BST1: variants seen among roughly 807,000 people sequenced by gnomAD.
The protein encoded by BST1 is ADP-ribosyl cyclase/cyclic ADP-ribose hydrolase 2.
In BST1, 49 loss-of-function variants were observed where a neutral mutation model predicts 40.6. The observed-to-expected ratio is 1.21, with a 90% CI of 0.96 to 1.53. The LOEUF is 1.53. Ranked by LOEUF, BST1 falls within the 40% of genes most tolerant of loss-of-function variation. BST1 has a pLI of 0.00. For missense variants in BST1, 423 were observed against 395.9 expected (o/e 1.07, Z -0.58); for synonymous variants, 157 against 159.3 (o/e 0.99, Z 0.11).
the BST1 span, among the ~76,000 whole-genome samples, chr4:15,753,877 G>T: frequency 2.0e-5 from 3 of 152,330 alleles, no homozygotes; most frequent in East Asian, 5.8e-4. Flanking sequence ...GAAGGAGAGA[G>T]TCCCATGGAG....
intron 3 of BST1, among the ~76,000 whole-genome samples, 188 bp downstream of exon 3, chr4:15,707,834 A>ACTCTCTCTCTCTCT (rs146353876): frequency 8.4e-5 from 9 of 107,024 alleles, no homozygotes; most frequent in African/African-American, 1.1e-4. Context: ...CAGTCTAAGC[A>ACTCTCTCTCTCTCT]CTCTCTCTCT....
the BST1 span, among the ~76,000 whole-genome samples, chr4:15,768,480 C>CTT: frequency 0.019 from 1,688 of 91,000 alleles, 3 homozygotes; most frequent in Non-Finnish European, 0.022. Flanking sequence ...TGGACAGTAT[C>CTT]TTTTTTTTTT....
At chr4:15,750,839 A>C in the BST1 span, among the ~76,000 whole-genome samples, 1 of 152,204 alleles carries the variant, frequency 6.6e-6, no homozygotes, top group African/African-American at 2.4e-5. Context: ...CTGCTTATAA[A>C]AATGTAAAAT....
chr4:15,731,938 T>C lies in BST1; in HGVS notation c.*93T>C. The C allele has an allele frequency of 1.4e-6, 2 of 1,419,058 alleles. No homozygotes were observed. The highest frequency in any genetic ancestry group is 1.9e-6 in the Non-Finnish European group (2 of 1,078,760). The allele number at this position is 1,419,058 out of a possible 1,614,324, so 87.9% of individuals were successfully genotyped here. On this transcript the variant is annotated 3_prime_UTR_variant, in exon 9 of 9. Transcript: ENST00000265016. The stretch of plus-strand genomic sequence containing the variant: ...CTGTGTATACCAAATGATTCTGTTA[T>C]CTAAAGAAGCTTTTTGCTGGGAAAA...
chr4:15,722,768 T>C, intron 7 of BST1, 107 bp from the exon 8 acceptor site: 1 of 881,346 alleles, frequency 1.1e-6, no homozygotes, highest in Non-Finnish European at 1.8e-6. Flanking sequence ...TGTGTATTAT[T>C]TGAGGTCAGA....
intron 2 of BST1, among the ~76,000 whole-genome samples, chr4:15,705,879 G>A (rs554140437): frequency 6.6e-6 from 1 of 152,200 alleles, no homozygotes; most frequent in Non-Finnish European, 1.5e-5. Context: ...AAAGAAAAGA[G>A]GTTTAACTGG....
chr4:15,718,655 C>T (rs1720640043), intron 6 of BST1, among the ~76,000 whole-genome samples: 1 of 152,214 alleles, frequency 6.6e-6, no homozygotes, highest in Non-Finnish European at 1.5e-5. Flanking sequence ...CGCACATGCA[C>T]TGGCCCTGGC....
chr4:15,742,495 T>C (rs574254041), downstream of BST1, among the ~76,000 whole-genome samples: 10 of 152,356 alleles, frequency 6.6e-5, no homozygotes, highest in Admixed American at 4.6e-4. Context: ...ATCTTGAACT[T>C]TCCAGCCACC....
chr4:15,703,771 A>G (rs1719698831), intron 1 of BST1, among the ~76,000 whole-genome samples: 1 of 106,202 alleles, frequency 9.4e-6, no homozygotes, highest in Non-Finnish European at 1.9e-5. Flanking sequence ...TGTGTTCTAA[A>G]GGTGAGATGT....
intron 4 of BST1, among the ~76,000 whole-genome samples, chr4:15,713,027 T>A (rs1720302595): frequency 6.6e-6 from 1 of 152,158 alleles, no homozygotes; most frequent in South Asian, 2.1e-4. Context: ...CACCTTATAC[T>A]TCCTCCAATT....
At position 15,732,248 on chromosome 4, in the gene BST1, T is replaced by C. The variant is rs1310539050; in HGVS notation, c.*403T>C. ...TTGCTTAAGACATATGTATACTATA[T>C]AAATGTATGCATATATGGTCTGCAA... On this transcript the variant is annotated 3_prime_UTR_variant, in exon 9 of 9. Transcript: ENST00000265016. 3 of 397,486 alleles carry C rather than the reference T, an allele frequency of 7.5e-6. No individual in the cohort carries two copies. Among genetic ancestry groups the C allele is most frequent in the East Asian group, 3.1e-4 (2 of 6,468 alleles). 24.6% of individuals were successfully genotyped at this position (397,486 alleles called of 1,614,324 possible).
chr4:15,724,607 AC>A (rs1720999977), intron 8 of BST1, among the ~76,000 whole-genome samples: 1 of 152,052 alleles, frequency 6.6e-6, no homozygotes, highest in Non-Finnish European at 1.5e-5. Flanking sequence ...AATCACTTGA[AC>A]CCAGTAGGCA....
intron 1 of BST1, among the ~76,000 whole-genome samples, chr4:15,703,780 G>A (rs1287252362): frequency 6.8e-6 from 1 of 146,204 alleles, no homozygotes; most frequent in African/African-American, 2.5e-5. Context: ...AAGGTGAGAT[G>A]TGTGTGTGTG....
At chr4:15,738,669 C>A (rs3815466), downstream of BST1, among the ~76,000 whole-genome samples, 30,019 of 152,156 alleles carry the variant, frequency 0.2, 3,721 homozygotes, top group African/African-American at 0.35. Flanking sequence ...GTTCAGCTTC[C>A]ACACGATTGT....
chr4:15,706,106 A>G (rs181177406), intron 2 of BST1, among the ~76,000 whole-genome samples: 7 of 152,304 alleles, frequency 4.6e-5, no homozygotes, highest in African/African-American at 1.7e-4. Context: ...CCACCCCCAT[A>G]ATCCAATCAC....
chr4:15,745,707 G>A, the BST1 span, among the ~76,000 whole-genome samples: 225 of 152,260 alleles, frequency 1.5e-3, no homozygotes, highest in African/African-American at 5.0e-3. Context: ...CTTTCATAGT[G>A]GTAGGAGGTG....
intron 7 of BST1, among the ~76,000 whole-genome samples, chr4:15,721,227 C>T (rs997997158): frequency 7.9e-5 from 12 of 152,164 alleles, no homozygotes; most frequent in Non-Finnish European, 1.6e-4. Context: ...GAAACTCCTG[C>T]CCCTCACAAT....
the BST1 span, among the ~76,000 whole-genome samples, chr4:15,764,873 G>GGTGTGTGTGCGTGTGTGTGT: frequency 2.2e-5 from 3 of 137,376 alleles, no homozygotes; most frequent in African/African-American, 8.2e-5. Flanking sequence ...AATTAGGTGA[G>GGTGTGTGTGCGTGTGTGTGT]GTGTGTGTGT....
At chr4:15,736,521 A>ACT (rs1483286785), downstream of BST1, among the ~76,000 whole-genome samples, 6 of 151,876 alleles carry the variant, frequency 4.0e-5, no homozygotes, top group South Asian at 1.3e-3. Flanking sequence ...GAGGCAGGAG[A>ACT]ACTGCTTGAA....
Sources: gnomAD v4.1 joint callset for allele counts (sites outside exome capture counted in the v4.1 genomes callset) on GRCh38, gnomAD v4.1.1 for gene constraint, MANE v1.5 for transcripts, NCBI Gene and HGNC (gene_info 2026-07-23, HGNC 2026-07-21) for gene names.